Variants in LDLRAD3 observed in about 807,000 individuals in gnomAD.
LDLRAD3 encodes low-density lipoprotein receptor class A domain-containing protein 3.
Under a neutral mutation model 29.4 loss-of-function variants are expected in LDLRAD3, and 20 were observed. The ratio of observed to expected loss-of-function variants is 0.68; its 90% CI spans 0.48 to 0.99. The LOEUF (loss-of-function observed/expected upper bound fraction) is 0.99. Among genes scored for constraint, LDLRAD3 ranks in the 50% least tolerant of loss-of-function variants. The probability of loss-of-function intolerance (pLI) is 0.00; values close to 1 mark genes in which losing one functional copy is unlikely to be tolerated. For missense variants in LDLRAD3, 420 were observed against 454.3 expected, an observed-to-expected ratio of 0.92 and a Z score of 0.69; for synonymous variants, 157 against 192.7, an observed-to-expected ratio of 0.81 and a Z score of 1.53.
chr11:36,146,295 C>T (rs545256755), intron 4 of LDLRAD3, among the ~76,000 whole-genome samples: 124 of 152,330 alleles, frequency 8.1e-4, no homozygotes, highest in African/African-American at 2.8e-3. Context: ...GGCAGCAAGG[C>T]TTTGCTTTTA....
intron 2 of LDLRAD3, among the ~76,000 whole-genome samples, chr11:36,052,695 C>T (rs79252187): frequency 0.061 from 9,253 of 152,178 alleles, 335 homozygotes; most frequent in South Asian, 0.13. Context: ...TAGAATCTAC[C>T]TCCTAGAGTT....
chr11:36,074,017 TAAAGAA>T (rs1192283487), intron 2 of LDLRAD3, among the ~76,000 whole-genome samples: 12 of 152,266 alleles, frequency 7.9e-5, no homozygotes, highest in African/African-American at 2.9e-4. Context: ...TGTGAGAACT[TAAAGAA>T]AAAGATATCT....
At chr11:36,179,903 T>G (rs1214412721) in intron 4 of LDLRAD3, among the ~76,000 whole-genome samples, 1 of 151,974 alleles carries the variant, frequency 6.6e-6, no homozygotes. Context: ...GAGGCTGAGG[T>G]CGGAGGCTTG....
intron 1 of LDLRAD3, among the ~76,000 whole-genome samples, chr11:35,968,953 T>A (rs1475848769): frequency 6.6e-6 from 1 of 152,190 alleles, no homozygotes; most frequent in East Asian, 1.9e-4. Context: ...CTCTGTCGTC[T>A]ACAGATCTGT....
rs1403143116 is a variant in LDLRAD3, at chr11:36,089,103, A to ACATATACCAT, written c.319+7325_319+7326insCATATACCAT. 2.0e-5 allele frequency among the ~76,000 whole-genome samples: 3 copies of ACATATACCAT among 152,186 alleles called. 1 individual carries two copies. Among genetic ancestry groups the ACATATACCAT allele is most frequent in the Non-Finnish European group, 4.4e-5 (3 of 68,040 alleles). On this transcript the variant is annotated intron_variant, in intron 3 of 5. Transcript: ENST00000315571. ...CAAGCGACAAACATATACTGAATAA[A>ACATATACCAT]TGGTACTTCTCATGCTTTCTCGTAA...
intron 2 of LDLRAD3, among the ~76,000 whole-genome samples, chr11:36,061,712 G>T (rs1353910115): frequency 4.6e-5 from 7 of 152,092 alleles, no homozygotes; most frequent in Non-Finnish European, 1.0e-4. Flanking sequence ...GACCACAGGG[G>T]GCTTGTGCAT....
At chr11:36,084,718 A>G (rs1382802024) in intron 3 of LDLRAD3, among the ~76,000 whole-genome samples, 2 of 152,162 alleles carry the variant, frequency 1.3e-5, no homozygotes, top group Non-Finnish European at 2.9e-5. Flanking sequence ...ATGATCATCA[A>G]TGACTGCTTA....
intron 4 of LDLRAD3, among the ~76,000 whole-genome samples, chr11:36,212,368 T>C (rs1391192886): frequency 6.6e-6 from 1 of 152,106 alleles, no homozygotes; most frequent in Non-Finnish European, 1.5e-5. Flanking sequence ...CTCCTACCCC[T>C]CATTTTCACT....
At chr11:36,226,410 G>A (rs536424358) in intron 4 of LDLRAD3, among the ~76,000 whole-genome samples, 49 of 152,298 alleles carry the variant, frequency 3.2e-4, no homozygotes, top group South Asian at 6.2e-4. Flanking sequence ...GACCCCAGAG[G>A]TACTACCTGT....
chr11:36,181,799 A>G (rs1854767476), intron 4 of LDLRAD3, among the ~76,000 whole-genome samples: 1 of 152,190 alleles, frequency 6.6e-6, no homozygotes, highest in Non-Finnish European at 1.5e-5. Flanking sequence ...CATTTTGAAA[A>G]TGTAAGTGTC....
chr11:36,082,672 CACAT>C (rs1350230236), intron 3 of LDLRAD3, among the ~76,000 whole-genome samples: 1 of 152,204 alleles, frequency 6.6e-6, no homozygotes, highest in African/African-American at 2.4e-5. Context: ...TGCATGCACA[CACAT>C]ACTCATGTTC....
At chr11:36,038,385 A>C (rs1183140942) in intron 2 of LDLRAD3, among the ~76,000 whole-genome samples, 1 of 152,126 alleles carries the variant, frequency 6.6e-6, no homozygotes, top group African/African-American at 2.4e-5. Flanking sequence ...GTGCCAAGTT[A>C]CCATTTTTGA....
intron 1 of LDLRAD3, among the ~76,000 whole-genome samples, chr11:35,988,021 T>A (rs1192998374): frequency 6.6e-6 from 1 of 152,186 alleles, no homozygotes; most frequent in Admixed American, 6.6e-5. Context: ...ATGACATTTT[T>A]AAAAATATGT....
intron 1 of LDLRAD3, among the ~76,000 whole-genome samples, chr11:36,029,913 C>T (rs532405529): frequency 6.6e-6 from 1 of 152,330 alleles, no homozygotes; most frequent in African/African-American, 2.4e-5. Flanking sequence ...GTTGTTCCTG[C>T]TGCAGAATTG....
At chr11:36,121,657 G>C (rs1853760761) in intron 4 of LDLRAD3, among the ~76,000 whole-genome samples, 1 of 152,226 alleles carries the variant, frequency 6.6e-6, no homozygotes, top group Admixed American at 6.5e-5. Context: ...GAAGTGTTCA[G>C]GCAGGGAGAG....
chr11:35,995,875 C>T (rs948272317), intron 1 of LDLRAD3, among the ~76,000 whole-genome samples: 26 of 152,208 alleles, frequency 1.7e-4, no homozygotes, highest in Middle Eastern at 3.2e-3. Context: ...TTTCTCACCT[C>T]GTTAGCATTC....
intron 1 of LDLRAD3, among the ~76,000 whole-genome samples, chr11:35,964,847 G>A (rs1851319103): frequency 6.6e-6 from 1 of 152,080 alleles, no homozygotes; most frequent in Non-Finnish European, 1.5e-5. Flanking sequence ...AATTAGGTTG[G>A]ACATGCTGGT....
At chr11:36,175,036 C>G (rs1266415781) in intron 4 of LDLRAD3, among the ~76,000 whole-genome samples, 1 of 152,032 alleles carries the variant, frequency 6.6e-6, no homozygotes, top group Non-Finnish European at 1.5e-5. Flanking sequence ...AGTCAGGAAA[C>G]AACAGGTGCT....
At chr11:36,190,334 A>G (rs1166419723) in intron 4 of LDLRAD3, among the ~76,000 whole-genome samples, 1 of 152,170 alleles carries the variant, frequency 6.6e-6, no homozygotes. Context: ...ATCTTCACAA[A>G]CAATTTAAAA....
Sources: gnomAD v4.1 joint callset for allele counts (sites outside exome capture counted in the v4.1 genomes callset) on GRCh38, gnomAD v4.1.1 for gene constraint, MANE v1.5 for transcripts, NCBI Gene and HGNC (gene_info 2026-07-23, HGNC 2026-07-21) for gene names.